The following CPXM2 variants were observed in gnomAD, a reference collection of about 807,000 sequenced individuals.
CPXM2 encodes inactive carboxypeptidase-like protein X2.
A neutral mutation model predicts 86.1 loss-of-function variants in CPXM2; 66 were observed. The observed-to-expected ratio is 0.77, with a 90% confidence interval of 0.63 to 0.94. The LOEUF (loss-of-function observed/expected upper bound fraction) is 0.94, where lower values mean the gene tolerates loss of function less well. Ranked by LOEUF, CPXM2 falls within the 40% of genes least tolerant of loss-of-function variation. CPXM2 has a pLI of 0.00. For synonymous variants in CPXM2, 388 were observed against 400.2 expected, an observed-to-expected ratio of 0.97 and a Z score of 0.36; for missense variants, 948 against 1,026.3, an observed-to-expected ratio of 0.92 and a Z score of 1.04.
At position 123,799,117 on chromosome 10, in the gene CPXM2, T is replaced by C. The variant is rs892164439; in HGVS notation, c.736A>G (p.Met246Val). 6.2e-7 allele frequency: 1 copy of C among 1,614,110 alleles called. No individual in the cohort carries two copies. The highest frequency in any genetic ancestry group is 8.5e-7 in the Non-Finnish European group (1 of 1,180,006). ...WVTVKNGSGDMIFEGNSEKEI... is the reference protein window; with the variant it reads ...WVTVKNGSGDVIFEGNSEKEI... ...GTTAAATGGAGGATGAGACTCACCA[T>C]GTCTCCAGATCCATTCTTAACAGTG... Residue 246 changes from methionine (M) to valine (V), a missense_variant and splice_region_variant, in exon 5 of 14, where the codon ATG becomes GTG. By Grantham distance (21) the Met-to-Val change is conservative. Transcript: ENST00000241305.
rs779999511 is a variant in CPXM2 at position 123,842,458 on chromosome 10, C to T, written c.544G>A (p.Gly182Arg). 8 of 1,614,022 alleles carry T rather than the reference C, an allele frequency of 5.0e-6. No individual in the cohort carries two copies. The highest frequency in any genetic ancestry group is 2.7e-5 in the African/African-American group (2 of 74,900). The change falls in exon 4 of 14, where the codon GGA becomes AGA. Residue 182 changes from glycine to arginine, a missense_variant. By Grantham distance (125) the Gly-to-Arg change is moderately radical. Coordinates refer to ENST00000241305, the MANE Select transcript of CPXM2 (RefSeq NM_198148.3). ...TCATTTCTTCCCGCGCACCACGCTC[C>T]GTCATAAAAATCATTTTCATTAATG... ...AGINENDFYDGAWCAGRNDLQ... is the reference protein window; with the variant it reads ...AGINENDFYDRAWCAGRNDLQ...
intron 4 of CPXM2, among the ~76,000 whole-genome samples, chr10:123,816,598 C>T (rs1449030957): frequency 6.6e-6 from 1 of 152,230 alleles, no homozygotes. Flanking sequence ...ATTGCAGCTG[C>T]TGTACCAGAT....
chr10:123,788,544 C>T (rs1287004227), intron 6 of CPXM2, among the ~76,000 whole-genome samples: 1 of 152,194 alleles, frequency 6.6e-6, no homozygotes, highest in East Asian at 1.9e-4. Flanking sequence ...ACCCTTCACC[C>T]TTGCTTGTTC....
intron 9 of CPXM2, 171 bp downstream of exon 9, chr10:123,768,355 C>A (rs568606535): frequency 3.0e-5 from 10 of 338,270 alleles, no homozygotes; most frequent in Non-Finnish European, 5.0e-5. Flanking sequence ...GCCTGGGCAA[C>A]AGAGGGAGAC....
chr10:123,760,423 T>C (rs923501407), intron 11 of CPXM2, among the ~76,000 whole-genome samples: 1 of 152,180 alleles, frequency 6.6e-6, no homozygotes, highest in Non-Finnish European at 1.5e-5. Context: ...TTAGATAAAA[T>C]GCCTCCGCTT....
Position 123,776,617 on chromosome 10 carries a change from C to T in CPXM2, c.978+3550G>A, listed in dbSNP as rs528803612. 2.6e-5 allele frequency: 4 copies of T among 152,328 alleles called. No homozygotes were observed. In the East Asian group the frequency reaches 7.7e-4, roughly 29 times the overall value. The allele number at this position is 152,328 out of a possible 1,614,324, so 9.4% of individuals were successfully genotyped here. On this transcript the variant is annotated intron_variant, in intron 7 of 13. Coordinates refer to ENST00000241305, the MANE Select transcript of CPXM2 (RefSeq NM_198148.3). Reference sequence around the variant, plus strand: ...GAAGCTGAGAAAAGTATGATGCATCCACTCACCAGAACATTCTGCAACCTC... The same window carrying T: ...GAAGCTGAGAAAAGTATGATGCATCTACTCACCAGAACATTCTGCAACCTC...
chr10:123,846,685 T>C (rs1848503099), intron 3 of CPXM2, among the ~76,000 whole-genome samples: 1 of 152,092 alleles, frequency 6.6e-6, no homozygotes, highest in Admixed American at 6.5e-5. Flanking sequence ...CAGAGAATTA[T>C]CAGAATGATG....
At chr10:123,937,042 A>G (rs1472451422) in intron 2 of CPXM2, among the ~76,000 whole-genome samples, 2 of 152,252 alleles carry the variant, frequency 1.3e-5, no homozygotes, top group Non-Finnish European at 1.5e-5. Context: ...AACGACAGCT[A>G]GAAGGTGGCA....
At chr10:123,748,369 G>C (rs1368655225) in intron 13 of CPXM2, among the ~76,000 whole-genome samples, 1 of 152,146 alleles carries the variant, frequency 6.6e-6, no homozygotes, top group Non-Finnish European at 1.5e-5. Flanking sequence ...CTAACGGATG[G>C]AAGAAAACTA....
intron 5 of CPXM2, 94 bp from the exon 6 acceptor site, chr10:123,798,220 G>T: frequency 7.2e-6 from 7 of 972,410 alleles, no homozygotes; most frequent in Non-Finnish European, 8.6e-6. Context: ...AGACTTTATT[G>T]AGGAAAACCT....
chr10:123,773,875 G>C (rs1846718070), intron 7 of CPXM2, among the ~76,000 whole-genome samples: 1 of 152,194 alleles, frequency 6.6e-6, no homozygotes, highest in African/African-American at 2.4e-5. Flanking sequence ...GAGGTACCAA[G>C]GGCTCTGCAA....
intron 3 of CPXM2, among the ~76,000 whole-genome samples, chr10:123,852,074 C>T (rs1358940548): frequency 2.0e-5 from 3 of 152,268 alleles, no homozygotes; most frequent in East Asian, 1.9e-4. Flanking sequence ...CGATGCCCTG[C>T]TAACACCTTG....
At chr10:123,854,377 A>ATATATATTATATATATAT in intron 3 of CPXM2, among the ~76,000 whole-genome samples, 1 of 120,676 alleles carries the variant, frequency 8.3e-6, no homozygotes, top group Admixed American at 9.7e-5. Flanking sequence ...TATATATAAT[A>ATATATATTATATATATAT]TATATATAAT....
At chr10:123,887,599 G>T (rs1017516006) in intron 1 of CPXM2, among the ~76,000 whole-genome samples, 2 of 152,150 alleles carry the variant, frequency 1.3e-5, no homozygotes, top group African/African-American at 4.8e-5. Flanking sequence ...GTGACAACAG[G>T]GGGGAGGGTG....
At chr10:123,942,506 G>A (rs956810057), upstream of CPXM2, among the ~76,000 whole-genome samples, 3 of 152,098 alleles carry the variant, frequency 2.0e-5, no homozygotes, top group Non-Finnish European at 2.9e-5. Context: ...TAATGCATTC[G>A]CATGCTAAAA....
intron 1 of CPXM2, among the ~76,000 whole-genome samples, chr10:123,881,753 T>G (rs1157181064): frequency 6.6e-6 from 1 of 152,188 alleles, no homozygotes; most frequent in Admixed American, 6.5e-5. Context: ...AAAGAAGACC[T>G]GGGTGGGGCA....
intron 2 of CPXM2, among the ~76,000 whole-genome samples, chr10:123,923,560 G>C (rs1192980990): frequency 6.7e-6 from 1 of 150,132 alleles, no homozygotes; most frequent in East Asian, 2.0e-4. Context: ...CAGCCTGGGC[G>C]ACAGAGCGAG....
intron 5 of CPXM2, 69 bp downstream of exon 5, chr10:123,799,046 A>C: frequency 6.5e-7 from 1 of 1,547,070 alleles, no homozygotes; most frequent in Non-Finnish European, 8.9e-7. Flanking sequence ...TTGATCATAC[A>C]TTGCCTCTCT....
intron 4 of CPXM2, among the ~76,000 whole-genome samples, chr10:123,826,710 A>C (rs1370907100): frequency 6.6e-6 from 1 of 152,152 alleles, no homozygotes; most frequent in African/African-American, 2.4e-5. Flanking sequence ...GAAACACACA[A>C]AGCGATTCAG....
Sources: allele counts gnomAD v4.1 joint callset (sites outside exome capture counted in the v4.1 genomes callset), GRCh38; gene constraint gnomAD v4.1.1; transcripts MANE v1.5; gene names NCBI Gene and HGNC (gene_info 2026-07-23, HGNC 2026-07-21).